Variants in ENTREP2 observed in about 807,000 individuals in gnomAD.
ENTREP2 encodes endosomal transmembrane epsin interactor 2.
chr15:29,272,572 G>A, the ENTREP2 span, among the ~76,000 whole-genome samples: 2 of 152,102 alleles, frequency 1.3e-5, no homozygotes, highest in Non-Finnish European at 2.9e-5. Flanking sequence ...TCTGCGGGGC[G>A]GCCATTCCAA....
chr15:29,212,784 C>G, the ENTREP2 span, among the ~76,000 whole-genome samples: 2 of 152,200 alleles, frequency 1.3e-5, no homozygotes, highest in African/African-American at 2.4e-5. Flanking sequence ...TGCAGAAGCT[C>G]TTTAGTTTAA....
chr15:29,669,831 TC>T, the ENTREP2 span, among the ~76,000 whole-genome samples: 1 of 152,152 alleles, frequency 6.6e-6, no homozygotes, highest in African/African-American at 2.4e-5. Context: ...ATCCATGTCA[TC>T]CCGGTCCCTA....
At chr15:29,172,709 C>T in the ENTREP2 span, among the ~76,000 whole-genome samples, 2 of 152,078 alleles carry the variant, frequency 1.3e-5, no homozygotes, top group African/African-American at 4.8e-5. Context: ...ACATCTCTGC[C>T]TCATCCTTGA....
the ENTREP2 span, among the ~76,000 whole-genome samples, chr15:29,224,925 G>A: frequency 5.3e-5 from 8 of 151,988 alleles, no homozygotes; most frequent in Non-Finnish European, 7.4e-5. Context: ...CTGCAGGTCC[G>A]GAGCCCTGCC....
the ENTREP2 span, among the ~76,000 whole-genome samples, chr15:29,611,763 G>A: frequency 9.9e-5 from 15 of 152,204 alleles, no homozygotes; most frequent in African/African-American, 3.4e-4. Context: ...GAGTTTGTTC[G>A]GTGAATGAAT....
chr15:29,219,614 AATATATATATATATATAT>A, the ENTREP2 span, among the ~76,000 whole-genome samples: 1,330 of 38,352 alleles, frequency 0.035, 51 homozygotes, highest in Middle Eastern at 0.05. Context: ...GTGGTGCATA[AATATATATATATATATAT>A]ATATATATAT....
At chr15:29,485,173 A>C in the ENTREP2 span, among the ~76,000 whole-genome samples, 2 of 152,326 alleles carry the variant, frequency 1.3e-5, no homozygotes, top group South Asian at 4.1e-4. Flanking sequence ...TAATGGAAAC[A>C]GTAAATGGTT....
chr15:29,368,913 T>C, the ENTREP2 span, among the ~76,000 whole-genome samples: 1 of 151,812 alleles, frequency 6.6e-6, no homozygotes, highest in South Asian at 2.1e-4. Context: ...AATTATAGAT[T>C]GAAAAGTACG....
the ENTREP2 span, among the ~76,000 whole-genome samples, chr15:29,324,086 A>T: frequency 6.7e-6 from 1 of 148,388 alleles, no homozygotes; most frequent in Non-Finnish European, 1.5e-5. Flanking sequence ...AACAACAAAA[A>T]ATGTTACAAA....
chr15:29,123,942 A>AC, the ENTREP2 span, among the ~76,000 whole-genome samples: 2 of 152,192 alleles, frequency 1.3e-5, no homozygotes, highest in South Asian at 4.1e-4. Flanking sequence ...TCCCAAGGGC[A>AC]CAGGGGCTGG....
At chr15:29,590,701 A>G in the ENTREP2 span, among the ~76,000 whole-genome samples, 8 of 149,900 alleles carry the variant, frequency 5.3e-5, no homozygotes, top group East Asian at 4.2e-4. Context: ...AAAAAAAAAA[A>G]AAAGAAAAAG....
the ENTREP2 span, among the ~76,000 whole-genome samples, chr15:29,560,668 G>C: frequency 6.6e-6 from 1 of 152,100 alleles, no homozygotes; most frequent in African/African-American, 2.4e-5. Context: ...GTCTCCACAG[G>C]TTCCAGCTAT....
the ENTREP2 span, among the ~76,000 whole-genome samples, chr15:29,596,956 C>G: frequency 6.6e-6 from 1 of 152,084 alleles, no homozygotes. Context: ...AGATGTGAGC[C>G]ACCGCACTCG....
At chr15:29,284,099 A>G in the ENTREP2 span, among the ~76,000 whole-genome samples, 19 of 152,280 alleles carry the variant, frequency 1.2e-4, no homozygotes, top group African/African-American at 4.6e-4. Context: ...GTATGAGAGA[A>G]TAAAAAAAGA....
the ENTREP2 span, among the ~76,000 whole-genome samples, chr15:29,260,937 C>T: frequency 5.3e-5 from 8 of 152,218 alleles, no homozygotes; most frequent in South Asian, 2.1e-4. Context: ...AAACCTGTTT[C>T]GCCTTTACAA....
the ENTREP2 span, among the ~76,000 whole-genome samples, chr15:29,486,364 G>A: frequency 1.3e-5 from 2 of 152,046 alleles, no homozygotes; most frequent in Non-Finnish European, 2.9e-5. Flanking sequence ...AATGAAAATG[G>A]AATACTATCT....
chr15:29,236,007 G>C, the ENTREP2 span, among the ~76,000 whole-genome samples: 1 of 151,412 alleles, frequency 6.6e-6, no homozygotes, highest in East Asian at 1.9e-4. Flanking sequence ...GCAAACAGAA[G>C]AAAAGAAATC....
At chr15:29,410,229 T>A in the ENTREP2 span, among the ~76,000 whole-genome samples, 1 of 152,334 alleles carries the variant, frequency 6.6e-6, no homozygotes, top group Admixed American at 6.5e-5. Flanking sequence ...TCTCTGAAAC[T>A]TTTCTGGCAT....
chr15:29,553,752 G>A, the ENTREP2 span, among the ~76,000 whole-genome samples: 1,260 of 152,266 alleles, frequency 8.3e-3, 20 homozygotes, highest in African/African-American at 0.029. Flanking sequence ...AAGTATACAC[G>A]TGGCTGAGGC....
Sources: allele counts gnomAD v4.1 joint callset (sites outside exome capture counted in the v4.1 genomes callset), GRCh38; gene constraint gnomAD v4.1.1; transcripts MANE v1.5; gene names NCBI Gene and HGNC (gene_info 2026-07-23, HGNC 2026-07-21).